Variants in OPCML observed in about 807,000 individuals in gnomAD.
OPCML encodes the protein opioid-binding protein/cell adhesion molecule.
A neutral mutation model predicts 37.8 loss-of-function variants in OPCML; 13 were observed. The ratio of observed to expected loss-of-function variants is 0.34; its 90% CI spans 0.22 to 0.55. OPCML has a LOEUF of 0.55. OPCML is among the 20% of genes least tolerant of loss of function. The probability of loss-of-function intolerance (pLI) is 0.91; values close to 1 mark genes in which losing one functional copy is unlikely to be tolerated. For synonymous variants in OPCML, 176 were observed against 168.8 expected (o/e 1.04, Z -0.33); for missense variants, 341 against 435.6 (o/e 0.78, Z 1.93).
intron 3 of OPCML, among the ~76,000 whole-genome samples, chr11:132,542,258 G>A (rs2096358412): frequency 6.6e-6 from 1 of 152,168 alleles, no homozygotes; most frequent in Non-Finnish European, 1.5e-5. Context: ...TAGGCCAGAT[G>A]CATCCACACC....
intron 1 of OPCML, among the ~76,000 whole-genome samples, chr11:133,019,714 T>A (rs1947413493): frequency 6.6e-6 from 1 of 152,046 alleles, no homozygotes; most frequent in Admixed American, 6.5e-5. Flanking sequence ...CTGGGCAGAG[T>A]ACCATGGAGA....
At chr11:132,540,184 A>C (rs2137362199) in intron 3 of OPCML, among the ~76,000 whole-genome samples, 1 of 152,238 alleles carries the variant, frequency 6.6e-6, no homozygotes, top group South Asian at 2.1e-4. Flanking sequence ...TTGGGAGTAA[A>C]ATAAACAGAG....
chr11:133,137,054 T>C (rs571627857), intron 1 of OPCML, among the ~76,000 whole-genome samples: 11 of 152,274 alleles, frequency 7.2e-5, no homozygotes, highest in South Asian at 4.2e-4. Context: ...AAAAGGACCA[T>C]TAACGTGAAG....
chr11:132,559,985 C>A (rs1465621292), intron 3 of OPCML, among the ~76,000 whole-genome samples: 2 of 152,166 alleles, frequency 1.3e-5, no homozygotes, highest in East Asian at 3.8e-4. Context: ...TTATCTATAG[C>A]CTCACTCTGT....
At chr11:133,421,065 G>A (rs1402591627) in intron 1 of OPCML, 2 of 983,918 alleles carry the variant, frequency 2.0e-6, no homozygotes, top group African/African-American at 3.5e-5. Context: ...ATAATCAGTA[G>A]ATTATTGGAG....
chr11:132,886,689 AG>A (rs1489307222), intron 2 of OPCML, among the ~76,000 whole-genome samples: 1 of 152,294 alleles, frequency 6.6e-6, no homozygotes, highest in East Asian at 1.9e-4. Flanking sequence ...GTTCAGGAAA[AG>A]GGGGCCCAGA....
chr11:133,099,304 C>A (rs1949051029), intron 1 of OPCML, among the ~76,000 whole-genome samples: 2 of 151,534 alleles, frequency 1.3e-5, no homozygotes, highest in Non-Finnish European at 2.9e-5. Context: ...GCTCTGTCGC[C>A]CAGGCTGGAG....
chr11:133,147,090 C>T (rs1227774140), intron 1 of OPCML, among the ~76,000 whole-genome samples: 8 of 152,208 alleles, frequency 5.3e-5, no homozygotes, highest in African/African-American at 1.7e-4. Context: ...CAACAGGGCA[C>T]GGCACCCAAT....
intron 4 of OPCML, among the ~76,000 whole-genome samples, chr11:132,489,764 C>T (rs2096210216): frequency 1.3e-5 from 2 of 152,054 alleles, no homozygotes; most frequent in Admixed American, 1.3e-4. Context: ...TGGTGGTTTG[C>T]TGCATCCATC....
intron 3 of OPCML, among the ~76,000 whole-genome samples, chr11:132,622,306 CA>C (rs1350128237): frequency 1.3e-5 from 2 of 151,730 alleles, no homozygotes; most frequent in African/African-American, 2.4e-5. Context: ...AGTCAAACAA[CA>C]AAGACAACTG....
At chr11:133,354,649 T>C (rs1944241390) in intron 1 of OPCML, among the ~76,000 whole-genome samples, 1 of 152,220 alleles carries the variant, frequency 6.6e-6, no homozygotes, top group Non-Finnish European at 1.5e-5. Context: ...CATCTCTCAT[T>C]TGCAGTATTT....
intron 1 of OPCML, among the ~76,000 whole-genome samples, chr11:132,990,264 AAGTT>A (rs1399110015): frequency 6.6e-6 from 1 of 152,190 alleles, no homozygotes; most frequent in African/African-American, 2.4e-5. Context: ...GAATGTTGAT[AAGTT>A]AGCTGTGCGT....
At chr11:132,710,471 T>G (rs1435473709) in intron 2 of OPCML, among the ~76,000 whole-genome samples, 1 of 152,200 alleles carries the variant, frequency 6.6e-6, no homozygotes, top group Non-Finnish European at 1.5e-5. Context: ...GTGCCCAAAG[T>G]TGCTCATGAT....
Position 133,216,313 on chromosome 11 carries a change from T to A in OPCML, c.62-273303A>T, listed in dbSNP as rs535829527. ...AAATTCCTCCTCTGAATCACCCAGT[T>A]ATGAAAGAGAAATGAGCCATTCTTG... On this transcript the variant is annotated intron_variant, in intron 1 of 7. Transcript: ENST00000524381. Among the ~76,000 whole-genome samples, 5 of 152,338 alleles carry A rather than the reference T, an allele frequency of 3.3e-5. No individual in the cohort carries two copies. The South Asian group carries it at 1.0e-3, about 32-fold the overall frequency.
At chr11:133,236,569 T>A (rs1446212719) in intron 1 of OPCML, among the ~76,000 whole-genome samples, 1 of 152,136 alleles carries the variant, frequency 6.6e-6, no homozygotes, top group Non-Finnish European at 1.5e-5. Context: ...GCAAAATTTA[T>A]TCAAAGACCT....
At chr11:133,144,383 C>T (rs1949868696) in intron 1 of OPCML, among the ~76,000 whole-genome samples, 1 of 152,196 alleles carries the variant, frequency 6.6e-6, no homozygotes, top group Non-Finnish European at 1.5e-5. Context: ...TAGAGGGTTG[C>T]CTTTTGACCC....
chr11:133,311,056 C>G (rs1473646927), intron 1 of OPCML, among the ~76,000 whole-genome samples: 1 of 152,176 alleles, frequency 6.6e-6, no homozygotes, highest in Non-Finnish European at 1.5e-5. Flanking sequence ...TTACAAAGCT[C>G]CAACTCCTTA....
At chr11:133,075,298 A>C (rs1414058337) in intron 1 of OPCML, among the ~76,000 whole-genome samples, 2 of 152,172 alleles carry the variant, frequency 1.3e-5, no homozygotes, top group Non-Finnish European at 2.9e-5. Context: ...TATGAGGCCA[A>C]ACGGGAGCCA....
chr11:132,633,872 G>T (rs750483870), intron 3 of OPCML, among the ~76,000 whole-genome samples: 2 of 149,468 alleles, frequency 1.3e-5, no homozygotes, highest in Non-Finnish European at 3.0e-5. Context: ...CAAGAAAGAC[G>T]TTTATTACCT....
Sources: allele counts gnomAD v4.1 joint callset (sites outside exome capture counted in the v4.1 genomes callset), GRCh38; gene constraint gnomAD v4.1.1; transcripts MANE v1.5; gene names NCBI Gene and HGNC (gene_info 2026-07-23, HGNC 2026-07-21).